Variants in PALM observed in about 807,000 individuals in gnomAD.
The protein encoded by PALM is paralemmin-1.
Under a neutral mutation model 30.7 loss-of-function variants are expected in PALM, and 18 were observed. The observed-to-expected ratio is 0.59, with a 90% CI of 0.41 to 0.87. The LOEUF (loss-of-function observed/expected upper bound fraction) is 0.87. Ranked by LOEUF, PALM falls within the 40% of genes least tolerant of loss-of-function variation. PALM has a pLI of 0.00. For missense variants in PALM, 529 were observed against 555.4 expected (o/e 0.95, Z 0.48); for synonymous variants, 286 against 242.8 (o/e 1.18, Z -1.66).
chr19:731,302 A>G, intron 5 of PALM, 57 bp downstream of exon 5: 1 of 1,463,728 alleles, frequency 6.8e-7, no homozygotes, highest in Non-Finnish European at 9.2e-7. Context: ...CTGGCCCCAG[A>G]GCGAGGCCCC....
intron 8 of PALM, among the ~76,000 whole-genome samples, chr19:744,656 G>A (rs373741700): frequency 2.6e-5 from 4 of 152,152 alleles, no homozygotes; most frequent in East Asian, 3.9e-4. Flanking sequence ...CACTTTGGGA[G>A]GCCAAGGCGG....
At chr19:732,525 T>A (rs1282201451) in intron 5 of PALM, among the ~76,000 whole-genome samples, 1 of 152,098 alleles carries the variant, frequency 6.6e-6, no homozygotes, top group African/African-American at 2.4e-5. Context: ...TAAAACCCCA[T>A]ATCTACTAAA....
chr19:711,415 C>T (rs2032076687), intron 1 of PALM, among the ~76,000 whole-genome samples: 1 of 152,126 alleles, frequency 6.6e-6, no homozygotes, highest in African/African-American at 2.4e-5. Flanking sequence ...CAGACTTGGG[C>T]CTGGACAGAT....
chr19:713,085 G>A (rs2032136932), intron 1 of PALM, among the ~76,000 whole-genome samples: 1 of 152,340 alleles, frequency 6.6e-6, no homozygotes, highest in East Asian at 1.9e-4. Context: ...TGGGGGGTTT[G>A]CTGCTGGGTG....
chr19:738,952 G>A (rs138498948), intron 7 of PALM, among the ~76,000 whole-genome samples: 3 of 152,330 alleles, frequency 2.0e-5, no homozygotes, highest in Admixed American at 6.5e-5. Flanking sequence ...CGCACCTGGG[G>A]TGCAGTGTCA....
chr19:709,356 A>G lies in PALM; in HGVS notation c.5+205A>G, dbSNP rs1471881420. 1.3e-5 allele frequency among the ~76,000 whole-genome samples: 2 copies of G among 150,636 alleles called. No homozygotes were observed. Among genetic ancestry groups the G allele is most frequent in the Non-Finnish European group, 3.0e-5 (2 of 67,614 alleles). ...TGCCGGGAGGCCTCCCCGCTCCCGGACCCCGGCTGCCCACCCACCGGCGCG... is the reference window on the plus strand; with the variant it reads ...TGCCGGGAGGCCTCCCCGCTCCCGGGCCCCGGCTGCCCACCCACCGGCGCG... On this transcript the variant is annotated intron_variant, in intron 1 of 8. Coordinates refer to ENST00000338448, the MANE Select transcript of PALM (RefSeq NM_002579.3). This position sits in a 1 kb window ranked among gnomAD's most constrained non-coding sequence, Gnocchi z 4.3.
intron 8 of PALM, among the ~76,000 whole-genome samples, chr19:745,042 T>G (rs1336411059): frequency 6.6e-6 from 1 of 151,856 alleles, no homozygotes; most frequent in African/African-American, 2.4e-5. Flanking sequence ...CAGCCTGGTG[T>G]GGTGGCAGGT....
At chr19:741,365 G>C (rs372226326) in intron 8 of PALM, among the ~76,000 whole-genome samples, 1 of 150,430 alleles carries the variant, frequency 6.6e-6, no homozygotes, top group African/African-American at 2.5e-5. Flanking sequence ...AGCTGGGCTG[G>C]AGGGCTGAGG....
At position 727,990 on chromosome 19, in the gene PALM, C is replaced by T. The variant is rs1278064265; in HGVS notation, c.269+296C>T. On this transcript the variant is annotated intron_variant, in intron 4 of 8. Coordinates refer to ENST00000338448, the MANE Select transcript of PALM (RefSeq NM_002579.3). Reference sequence around the variant, plus strand: ...TTTGAGCCAGCGAGGGACGTGGCGTCGAGCTCCTGGGTCCCTGGAGCTGGC... The same window carrying T: ...TTTGAGCCAGCGAGGGACGTGGCGTTGAGCTCCTGGGTCCCTGGAGCTGGC... 18 of 213,330 alleles carry T rather than the reference C, an allele frequency of 8.4e-5. No homozygotes were observed. The East Asian group carries it at 3.2e-3, about 38-fold the overall frequency. The allele number at this position is 213,330 out of a possible 1,614,324, so 13.2% of individuals were successfully genotyped here. A position where few individuals can be genotyped will look rare whatever the true frequency, so the allele number is the denominator to read the frequency against.
Position 709,085 on chromosome 19 carries a change from C to T in PALM, c.-62C>T. 1 of 262,854 alleles carries T rather than the reference C, an allele frequency of 3.8e-6. No individual in the cohort carries two copies. 16.3% of individuals were successfully genotyped at this position (262,854 alleles called of 1,614,324 possible). On this transcript the variant is annotated 5_prime_UTR_variant, in exon 1 of 9. Coordinates refer to ENST00000338448, the MANE Select transcript of PALM (RefSeq NM_002579.3). This position sits in a 1 kb window ranked among gnomAD's most constrained non-coding sequence, Gnocchi z 4.3. ...CGCGTCCCCCTCCCCTCCCCTCCCC[C>T]GCGCGCCACCCGCGCCCGCCCCCGC...
chr19:717,457 C>A (rs2032303870), intron 1 of PALM, among the ~76,000 whole-genome samples: 1 of 152,094 alleles, frequency 6.6e-6, no homozygotes, highest in Non-Finnish European at 1.5e-5. Flanking sequence ...CAAGGTGCAT[C>A]CGCGCCGTGG....
In PALM at chr19:727,669, C is replaced by G; in HGVS notation, c.244C>G (p.Arg82Gly). 2.6e-6 allele frequency: 4 copies of G among 1,565,400 alleles called. No homozygotes were observed. Among genetic ancestry groups the G allele is most frequent in the Non-Finnish European group, 3.5e-6 (4 of 1,154,774 alleles). ...RQMQDDEQKT[R>G]LLEDSVSRLE... ...GATGCAGGACGACGAGCAGAAGACA[C>G]GGCTGCTGGAGGACTCGGTGTCCAG... is the stretch of plus-strand genomic sequence containing the variant. Residue 82 changes from arginine to glycine, a missense_variant, in exon 4 of 9, where the codon CGG becomes GGG. Arg to Gly is a moderately radical substitution (Grantham distance 125, BLOSUM62 -2). Transcript: ENST00000338448.
chr19:734,169 G>C lies in PALM; in HGVS notation c.421-4G>C, dbSNP rs371266201. 6.2e-7 allele frequency: 1 copy of C among 1,613,740 alleles called. No individual in the cohort carries two copies. Among genetic ancestry groups the C allele is most frequent in the Non-Finnish European group, 8.5e-7 (1 of 1,179,914 alleles). On this transcript the variant is annotated splice_region_variant and splice_polypyrimidine_tract_variant and intron_variant, in intron 5 of 8. Coordinates refer to ENST00000338448, the MANE Select transcript of PALM (RefSeq NM_002579.3). ...CCCTGACCCTTCTCTCTTCTTTCTT[G>C]CAGACGCCGGTGGGCACGCCCAAAG...
At chr19:741,851 T>C (rs2144923323) in intron 8 of PALM, among the ~76,000 whole-genome samples, 1 of 152,162 alleles carries the variant, frequency 6.6e-6, no homozygotes, top group Non-Finnish European at 1.5e-5. Flanking sequence ...TTCTTTTTAT[T>C]TATTTACTTT....
At chr19:740,791 C>T (rs570651523) in intron 8 of PALM, among the ~76,000 whole-genome samples, 1 of 152,244 alleles carries the variant, frequency 6.6e-6, no homozygotes, top group South Asian at 2.1e-4. Context: ...CTGTCCTTGC[C>T]GGGTGGCAAA....
At chr19:712,584 A>C (rs1450593040) in intron 1 of PALM, among the ~76,000 whole-genome samples, 10 of 150,424 alleles carry the variant, frequency 6.6e-5, no homozygotes, top group South Asian at 6.3e-4. Context: ...AGGGTTTCAC[A>C]GTGTTAGCCA....
intron 2 of PALM, 85 bp from the exon 3 acceptor site, chr19:726,923 C>G (rs1568225006): frequency 1.4e-6 from 1 of 732,820 alleles, no homozygotes. Context: ...GAAGCAGGAT[C>G]GGGCTGGGCA....
At position 746,400 on chromosome 19, in the gene PALM, G is replaced by A. The variant is rs145938736; in HGVS notation, c.750G>A (p.Thr250=). 8.9e-5 allele frequency: 143 copies of A among 1,612,478 alleles called. No homozygotes were observed. Among genetic ancestry groups the A allele is most frequent in the Admixed American group, 2.2e-4 (13 of 59,910 alleles). Residue 250 remains threonine (T), a synonymous_variant, in exon 9 of 9, where the codon ACG becomes ACA. Transcript: ENST00000338448. This position sits in a 1 kb window ranked among gnomAD's most constrained non-coding sequence, Gnocchi z 7.1. The part of the protein sequence containing the change: ...DEVTLSEAGS[T]AGAAETRGAV... ...TCACGCTGAGCGAGGCAGGGTCCAC[G>A]GCCGGGGCGGCAGAGACCCGGGGGG...
rs2031991787 is a variant in PALM at position 709,315 on chromosome 19, CG to C, written c.5+167del. On this transcript the variant is annotated intron_variant, in intron 1 of 8. Coordinates refer to ENST00000338448, the MANE Select transcript of PALM (RefSeq NM_002579.3). The surrounding 1 kb of genome is among the most constrained non-coding windows in gnomAD (Gnocchi z 4.3). Reference sequence around the variant, plus strand: ...GCCGCAGCGCAGCCGGGAAGAGACTCGGGCTGGGCCGCGCCTGCCGGGAGGC... The same window carrying C: ...GCCGCAGCGCAGCCGGGAAGAGACTCGGCTGGGCCGCGCCTGCCGGGAGGC... Among the ~76,000 whole-genome samples, 1 of 151,360 alleles carries C rather than the reference CG, an allele frequency of 6.6e-6. No homozygotes were observed. Among genetic ancestry groups the C allele is most frequent in the East Asian group, 2.0e-4 (1 of 5,126 alleles).
Sources: allele counts gnomAD v4.1 joint callset (sites outside exome capture counted in the v4.1 genomes callset), GRCh38; gene constraint gnomAD v4.1.1; non-coding constraint Gnocchi (gnomAD v3.1); transcripts MANE v1.5; gene names NCBI Gene and HGNC (gene_info 2026-07-23, HGNC 2026-07-21).